Variants in EMP1 observed in about 807,000 individuals in gnomAD.
The protein encoded by EMP1 is epithelial membrane protein 1, also known as tumor-associated membrane protein.
In EMP1, 5 loss-of-function variants were observed where a neutral mutation model predicts 15.7. The observed-to-expected ratio is 0.32, with a 90% CI of 0.17 to 0.67. The LOEUF is 0.67. EMP1 is among the 30% of genes least tolerant of loss of function. EMP1 has a pLI of 0.74. For missense variants in EMP1, 166 were observed against 194.2 expected (o/e 0.85, Z 0.86); for synonymous variants, 78 against 76.7 (o/e 1.02, Z -0.09).
In EMP1 at chr12:13,216,250, C is replaced by T; in HGVS notation, c.*1559C>T. ...CATCTTGCCTACTTTTCTTTATTAG[C>T]TTTCTCCTCATCCATTTCTTTTATA... On this transcript the variant is annotated 3_prime_UTR_variant, in exon 5 of 5. Coordinates refer to ENST00000256951, the MANE Select transcript of EMP1 (RefSeq NM_001423.3). The T allele has an allele frequency of 1.6e-6, 1 of 619,162 alleles. No individual in the cohort carries two copies. 38.4% of individuals were successfully genotyped at this position (619,162 alleles called of 1,614,324 possible). A position where few individuals can be genotyped will look rare whatever the true frequency, so the allele number is the denominator to read the frequency against.
chr12:13,216,799 A>T lies in EMP1; in HGVS notation c.*2108A>T, dbSNP rs540448871. The T allele has an allele frequency of 1.9e-5, 4 of 212,882 alleles. No individual in the cohort carries two copies. The highest frequency in any genetic ancestry group is 3.7e-5 in the Non-Finnish European group (4 of 107,744). 13.2% of individuals were successfully genotyped at this position (212,882 alleles called of 1,614,324 possible). ...ATTGTGTGAATGTTTTTTTCTAAAA[A>T]AAATGTGGAGAAATATGGATAATTA... On this transcript the variant is annotated 3_prime_UTR_variant, in exon 5 of 5. Coordinates refer to ENST00000256951, the MANE Select transcript of EMP1 (RefSeq NM_001423.3).
intron 1 of EMP1, among the ~76,000 whole-genome samples, chr12:13,210,090 T>C (rs1298516147): frequency 1.3e-5 from 2 of 152,196 alleles, no homozygotes; most frequent in Non-Finnish European, 2.9e-5. Flanking sequence ...TCTAGATTTT[T>C]GGTTGCCTGA....
intron 1 of EMP1, among the ~76,000 whole-genome samples, chr12:13,209,805 C>T (rs182149502): frequency 7.2e-4 from 109 of 152,182 alleles, no homozygotes; most frequent in African/African-American, 2.6e-3. Flanking sequence ...TGTGCTAGAA[C>T]CTGAGAAAAG....
At position 13,214,584 on chromosome 12, in the gene EMP1, C is replaced by T. The variant is rs767672209; in HGVS notation, c.367C>T (p.Arg123Cys). The T allele has an allele frequency of 1.9e-5, 31 of 1,613,878 alleles. No individual in the cohort carries two copies. Among genetic ancestry groups the T allele is most frequent in the South Asian group, 4.4e-5 (4 of 91,064 alleles). Residue 123 changes from arginine (R) to cysteine (C), a missense_variant, in exon 5 of 5, where the codon CGT becomes TGT. Transcript: ENST00000256951. ...CATCTACACTAGTCATTATGCGAAT[C>T]GTGATGGAACGCAGTATCACCACGG... ...VSIYTSHYAN[R>C]DGTQYHHGYS...
chr12:13,207,843 A>G (rs1272743855), intron 1 of EMP1, among the ~76,000 whole-genome samples: 1 of 152,194 alleles, frequency 6.6e-6, no homozygotes, highest in East Asian at 1.9e-4. Flanking sequence ...CAATGAATTG[A>G]TAAGCTCTGC....
rs1421911904 is a variant in EMP1 at position 13,211,588 on chromosome 12, T to C, written c.78T>C (p.Asn26=). ...TGCTATTTGTTAGCACCATTGCCAA[T>C]GTGAGTAATGTTCTTTTGTTCATTC... ...VIMLFVSTIA[N]VWLVSNTVDA... is the part of the protein sequence containing the mutation. Residue 26 remains asparagine, a splice_region_variant and synonymous_variant, in exon 2 of 5, where the codon AAT becomes AAC. Transcript: ENST00000256951. The surrounding 1 kb of genome is among the most constrained non-coding windows in gnomAD (Gnocchi z 4.7). 6.2e-7 allele frequency: 1 copy of C among 1,613,552 alleles called. No individual in the cohort carries two copies. Among genetic ancestry groups the C allele is most frequent in the African/African-American group, 1.3e-5 (1 of 74,918 alleles).
Position 13,217,859 on chromosome 12 carries a change from C to T in EMP1, c.*3168C>T, listed in dbSNP as rs972146161. 6.6e-6 allele frequency: 1 copy of T among 152,120 alleles called. No individual in the cohort carries two copies. The highest frequency in any genetic ancestry group is 2.4e-5 in the African/African-American group (1 of 41,426). The allele number at this position is 152,120 out of a possible 1,614,324, so 9.4% of individuals were successfully genotyped here. ...ATATTTATTTTAAGGAATTGACTCA[C>T]ATGATTTTGAAGGCAGGCAAGCCCA... On this transcript the variant is annotated 3_prime_UTR_variant, in exon 5 of 5. Transcript: ENST00000256951.
At chr12:13,197,308 C>T (rs1485314592) in intron 1 of EMP1, among the ~76,000 whole-genome samples, 1 of 152,208 alleles carries the variant, frequency 6.6e-6, no homozygotes, top group South Asian at 2.1e-4. Flanking sequence ...TGAACTGTTA[C>T]TCTGCTCGCT....
Position 13,211,767 on chromosome 12 carries a change from T to A in EMP1, c.78+179T>A. ...CAATTAAATAACAGGAGGATAAAAG[T>A]GAATGTCCACAGGAGTAATCCTGCC... On this transcript the variant is annotated intron_variant, in intron 2 of 4. Transcript: ENST00000256951. This position sits in a 1 kb window ranked among gnomAD's most constrained non-coding sequence, Gnocchi z 4.7. 1 of 662,756 alleles carries A rather than the reference T, an allele frequency of 1.5e-6. No individual in the cohort carries two copies. The highest frequency in any genetic ancestry group is 2.6e-6 in the Non-Finnish European group (1 of 390,452). 41.1% of individuals were successfully genotyped at this position (662,756 alleles called of 1,614,324 possible).
chr12:13,213,815 G>C lies in EMP1; in HGVS notation c.310G>C (p.Val104Leu), dbSNP rs761370248. 5.6e-6 allele frequency: 9 copies of C among 1,613,804 alleles called. No homozygotes were observed. Among genetic ancestry groups the C allele is most frequent in the Non-Finnish European group, 6.8e-6 (8 of 1,180,040 alleles). The change falls in exon 4 of 5, where the codon GTG becomes CTG. Residue 104 changes from valine to leucine, a missense_variant. Transcript: ENST00000256951. ...RFFLSGATTL[V>L]CWLCILVGVS... ...CTTCCTCTCAGGGGCCACCACACTG[G>C]TGTGCTGTGAGTATCTCATGGGTAG...
At chr12:13,200,749 C>G (rs1168702036) in intron 1 of EMP1, among the ~76,000 whole-genome samples, 1 of 152,188 alleles carries the variant, frequency 6.6e-6, no homozygotes, top group Non-Finnish European at 1.5e-5. Flanking sequence ...GTGGTGATTG[C>G]TGCTTCTCTC....
intron 4 of EMP1, 73 bp from the exon 5 acceptor site, chr12:13,214,461 C>A: frequency 6.4e-7 from 1 of 1,573,496 alleles, no homozygotes; most frequent in East Asian, 2.3e-5. Context: ...ATAGGATCTT[C>A]TTAAAATTAG....
In EMP1 at chr12:13,211,496, A is replaced by C. The variant is rs1283466894; in HGVS notation, c.-15A>C. ...CTCTCTTTGCTCACAAGTTACCAAA[A>C]AAAAAAGAGCCAACATGTTGGTATT... On this transcript the variant is annotated 5_prime_UTR_variant, in exon 2 of 5. Transcript: ENST00000256951. The surrounding 1 kb of genome is among the most constrained non-coding windows in gnomAD (Gnocchi z 4.7). The C allele has an allele frequency of 1.2e-5, 19 of 1,609,602 alleles. No individual in the cohort carries two copies. Among genetic ancestry groups the C allele is most frequent in the Non-Finnish European group, 1.5e-5 (18 of 1,178,788 alleles).
At chr12:13,202,684 G>T (rs1183951523) in intron 1 of EMP1, among the ~76,000 whole-genome samples, 2 of 152,176 alleles carry the variant, frequency 1.3e-5, no homozygotes, top group Non-Finnish European at 2.9e-5. Context: ...AGGCAGGCTG[G>T]CTCTGCTGGG....
intron 2 of EMP1, 158 bp from the exon 3 acceptor site, chr12:13,213,321 G>A (rs377466242): frequency 2.2e-5 from 15 of 669,538 alleles, no homozygotes; most frequent in Middle Eastern, 4.2e-4. Flanking sequence ...AGTTTTAATC[G>A]GACCTTATTT....
intron 4 of EMP1, 65 bp from the exon 5 acceptor site, chr12:13,214,469 T>C: frequency 6.3e-7 from 1 of 1,579,702 alleles, no homozygotes; most frequent in African/African-American, 1.4e-5. Context: ...TTCTTAAAAT[T>C]AGTAAAACTT....
chr12:13,211,619 T>C lies in EMP1; in HGVS notation c.78+31T>C, dbSNP rs745874252. 1.6e-5 allele frequency: 26 copies of C among 1,609,182 alleles called. No individual in the cohort carries two copies. In the Middle Eastern group the frequency reaches 5.0e-4, roughly 31 times the overall value. On this transcript the variant is annotated intron_variant, in intron 2 of 4. Coordinates refer to ENST00000256951, the MANE Select transcript of EMP1 (RefSeq NM_001423.3). The surrounding 1 kb of genome is among the most constrained non-coding windows in gnomAD (Gnocchi z 4.7). ...TAATGTTCTTTTGTTCATTCATTCA[T>C]TGAGAAATCATTCGAATATTTACAT... is the stretch of plus-strand genomic sequence containing the variant.
In EMP1 at chr12:13,211,702, G is replaced by T. The variant is rs1864166577; in HGVS notation, c.78+114G>T. The T allele has an allele frequency of 1.7e-6, 2 of 1,175,926 alleles. No homozygotes were observed. Among genetic ancestry groups the T allele is most frequent in the African/African-American group, 1.5e-5 (1 of 64,850 alleles). 72.8% of individuals were successfully genotyped at this position (1,175,926 alleles called of 1,614,324 possible). A position where few individuals can be genotyped will look rare whatever the true frequency, so the allele number is the denominator to read the frequency against. On this transcript the variant is annotated intron_variant, in intron 2 of 4. Coordinates refer to ENST00000256951, the MANE Select transcript of EMP1 (RefSeq NM_001423.3). This position sits in a 1 kb window ranked among gnomAD's most constrained non-coding sequence, Gnocchi z 4.7. ...TTGCCCTTCATGAACTTACAGCTCA[G>T]TTGTGGGAAAACAAAATAAACACAC...
At position 13,214,815 on chromosome 12, in the gene EMP1, G is replaced by A; in HGVS notation, c.*124G>A. The A allele has an allele frequency of 2.5e-5, 5 of 197,262 alleles. No homozygotes were observed. Among genetic ancestry groups the A allele is most frequent in the East Asian group, 1.9e-4 (1 of 5,304 alleles). 12.2% of individuals were successfully genotyped at this position (197,262 alleles called of 1,614,324 possible). A position where few individuals can be genotyped will look rare whatever the true frequency, so the allele number is the denominator to read the frequency against. ...GGAGGGGGGAGGGGGAAGCAAAGGGGGGAGGTCAAATCCCAAACCATTACT... is the reference window on the plus strand; with the variant it reads ...GGAGGGGGGAGGGGGAAGCAAAGGGAGGAGGTCAAATCCCAAACCATTACT... On this transcript the variant is annotated 3_prime_UTR_variant, in exon 5 of 5. Transcript: ENST00000256951.
Sources: gnomAD v4.1 joint callset for allele counts (sites outside exome capture counted in the v4.1 genomes callset) on GRCh38, gnomAD v4.1.1 for gene constraint, Gnocchi (gnomAD v3.1) non-coding constraint, MANE v1.5 for transcripts, NCBI Gene and HGNC (gene_info 2026-07-23, HGNC 2026-07-21) for gene names.